The following CELF5 variants were observed in gnomAD, a reference collection of about 807,000 sequenced individuals.
CELF5 encodes the protein CUG-BP and ETR-3 like factor 5.
A neutral mutation model predicts 54.9 loss-of-function variants in CELF5; 6 were observed. That is an observed-to-expected ratio of 0.11 (90% CI 0.06 to 0.22). The LOEUF is 0.22. CELF5 is among the 10% of genes least tolerant of loss of function. The pLI, the probability that CELF5 is intolerant of heterozygous loss-of-function variation, is 1.00. For synonymous variants in CELF5, 271 were observed against 290.9 expected (o/e 0.93, Z 0.70); for missense variants, 401 against 678.6 (o/e 0.59, Z 4.54).
intron 4 of CELF5, among the ~76,000 whole-genome samples, chr19:3,276,880 G>C (rs1184983944): frequency 6.6e-6 from 1 of 150,890 alleles, no homozygotes; most frequent in Admixed American, 6.6e-5. Context: ...GGCGGGGTCT[G>C]GGGAGGGGCG....
intron 4 of CELF5, among the ~76,000 whole-genome samples, chr19:3,277,566 C>T (rs1165909908): frequency 6.6e-6 from 1 of 152,112 alleles, no homozygotes; most frequent in African/African-American, 2.4e-5. Flanking sequence ...TTCATAAAAC[C>T]GTGCAACCAT....
At chr19:3,248,635 C>T (rs2079599868) in intron 1 of CELF5, among the ~76,000 whole-genome samples, 1 of 152,176 alleles carries the variant, frequency 6.6e-6, no homozygotes, top group Non-Finnish European at 1.5e-5. Flanking sequence ...GCCTGGGTTG[C>T]TTCCGCCTTC....
At chr19:3,237,295 G>A (rs1917656887) in intron 1 of CELF5, among the ~76,000 whole-genome samples, 2 of 115,918 alleles carry the variant, frequency 1.7e-5, no homozygotes, top group Admixed American at 1.2e-4. Context: ...CTGAGTGACA[G>A]AGCACGACTC....
At chr19:3,295,101 C>G (rs1394314959) in intron 12 of CELF5, 1 of 152,348 alleles carries the variant, frequency 6.6e-6, no homozygotes, top group Non-Finnish European at 1.5e-5. Context: ...CAGGACTTAC[C>G]CATAAATTCC....
At position 3,251,066 on chromosome 19, in the gene CELF5, G is replaced by A; in HGVS notation, c.341G>A (p.Gly114Glu). Residue 114 changes from glycine (G) to glutamate (E), a missense_variant and splice_region_variant, in exon 2 of 13, where the codon GGA becomes GAA. Coordinates refer to ENST00000292672, the MANE Select transcript of CELF5 (RefSeq NM_021938.4). ...CTGCACGAGCAGAAGACCTTGCCCG[G>A]AGTGAGTCCTGTGTGGTGTCTGGGG... ...TALHEQKTLP[G>E]MARPIQVKPA... 6.2e-7 allele frequency: 1 copy of A among 1,613,356 alleles called. No individual in the cohort carries two copies. The highest frequency in any genetic ancestry group is 8.5e-7 in the Non-Finnish European group (1 of 1,179,392).
intron 1 of CELF5, among the ~76,000 whole-genome samples, chr19:3,242,831 G>A (rs1406293574): frequency 6.6e-6 from 1 of 152,062 alleles, no homozygotes; most frequent in East Asian, 1.9e-4. Context: ...GGGCTTGGTG[G>A]CAGGTACCTG....
intron 4 of CELF5, 56 bp downstream of exon 4, chr19:3,276,040 C>A: frequency 8.1e-5 from 3 of 37,122 alleles, no homozygotes; most frequent in Admixed American, 1.3e-3. Context: ...GCTCTGGGGG[C>A]GGGGCCTGTG....
intron 1 of CELF5, among the ~76,000 whole-genome samples, chr19:3,225,278 C>G (rs1386533994): frequency 1.8e-5 from 2 of 113,832 alleles, no homozygotes; most frequent in African/African-American, 3.5e-5. Flanking sequence ...CTCTCTCCCT[C>G]TCTCTCTCCC....
At chr19:3,242,618 G>A (rs1026460131) in intron 1 of CELF5, among the ~76,000 whole-genome samples, 10 of 152,196 alleles carry the variant, frequency 6.6e-5, no homozygotes, top group Admixed American at 2.0e-4. Context: ...CAGCCTGGCC[G>A]AGATGGTGAA....
chr19:3,274,924 T>C (rs1187481104), intron 3 of CELF5, among the ~76,000 whole-genome samples: 1 of 152,026 alleles, frequency 6.6e-6, no homozygotes, highest in African/African-American at 2.4e-5. Flanking sequence ...CATCTCCCTC[T>C]GTATCTCCTT....
intron 2 of CELF5, among the ~76,000 whole-genome samples, chr19:3,256,180 C>T (rs1037267188): frequency 6.6e-6 from 1 of 152,142 alleles, no homozygotes; most frequent in African/African-American, 2.4e-5. Flanking sequence ...ACACTGACGA[C>T]CCAGCCAGGG....
chr19:3,253,172 G>T lies in CELF5; in HGVS notation c.342+2105G>T, dbSNP rs558930739. Among the ~76,000 whole-genome samples, 3 of 152,144 alleles carry T rather than the reference G, an allele frequency of 2.0e-5. No individual in the cohort carries two copies. In the East Asian group the frequency reaches 5.8e-4, roughly 29 times the overall value. On this transcript the variant is annotated intron_variant, in intron 2 of 12. Transcript: ENST00000292672. ...AAACCAACCAGAAGCTGGAGGGCAG[G>T]TCAGTCCATACAGATTAGTGCCCAG...
At chr19:3,295,851 G>C (rs997246225) in intron 12 of CELF5, 1 of 152,572 alleles carries the variant, frequency 6.6e-6, no homozygotes, top group Admixed American at 6.6e-5. Flanking sequence ...GGAGGGGGGG[G>C]GCGGACAGGG....
At chr19:3,293,594 C>G (rs936413199) in intron 12 of CELF5, 108 bp downstream of exon 12, 12 of 962,426 alleles carry the variant, frequency 1.2e-5, no homozygotes, top group Non-Finnish European at 1.8e-5. Flanking sequence ...GGTGATGCTT[C>G]AAGAGGCTAC....
rs2079730182 is a variant in CELF5 at position 3,256,567 on chromosome 19, ATTATTATTAAT to A, written c.342+5503_342+5513del. On this transcript the variant is annotated intron_variant, in intron 2 of 12. Coordinates refer to ENST00000292672, the MANE Select transcript of CELF5 (RefSeq NM_021938.4). ...TATTATTATTATTATTATTATTATTATTATTATTAATTTTTTTTTGAGACGGAGCCTAACTC... is the reference window on the plus strand; with the variant it reads ...TATTATTATTATTATTATTATTATTATTTTTTTTGAGACGGAGCCTAACTC... Among the ~76,000 whole-genome samples, 50 of 120,396 alleles carry A rather than the reference ATTATTATTAAT, an allele frequency of 4.2e-4. No individual in the cohort carries two copies. In the Admixed American group the frequency reaches 4.2e-3, roughly 10 times the overall value. The allele number at this position is 120,396 out of a possible 152,430, so 79.0% of individuals were successfully genotyped here.
intron 2 of CELF5, among the ~76,000 whole-genome samples, chr19:3,261,990 T>C (rs562069670): frequency 3.9e-4 from 60 of 152,238 alleles, no homozygotes; most frequent in African/African-American, 1.3e-3. Context: ...AGCCTTTGAA[T>C]TGGGACGAGT....
chr19:3,285,827 A>G (rs1477936531), intron 9 of CELF5, 115 bp from the exon 10 acceptor site: 1 of 93,162 alleles, frequency 1.1e-5, no homozygotes, highest in African/African-American at 1.5e-4. Flanking sequence ...GATCACACCC[A>G]CTCCTGCCTT....
intron 8 of CELF5, 114 bp from the exon 9 acceptor site, chr19:3,284,788 C>T (rs2080206856): frequency 2.2e-6 from 2 of 908,966 alleles, no homozygotes; most frequent in African/African-American, 3.3e-5. Flanking sequence ...GGGTTTAGCA[C>T]AGAGGAGAAG....
intron 1 of CELF5, among the ~76,000 whole-genome samples, chr19:3,242,985 TA>T: frequency 2.0e-5 from 3 of 151,842 alleles, no homozygotes; most frequent in African/African-American, 7.2e-5. Flanking sequence ...ATAATAATAA[TA>T]ATAAAGCCTG....
Sources: allele counts gnomAD v4.1 joint callset (sites outside exome capture counted in the v4.1 genomes callset), GRCh38; gene constraint gnomAD v4.1.1; transcripts MANE v1.5; gene names NCBI Gene and HGNC (gene_info 2026-07-23, HGNC 2026-07-21).